The following HRH2 variants were observed in gnomAD, a reference collection of about 807,000 sequenced individuals.
The protein encoded by HRH2 is histamine receptor H2.
A neutral mutation model predicts 20.1 loss-of-function variants in HRH2; 4 were observed. The observed-to-expected ratio is 0.20, with a 90% CI of 0.10 to 0.45. HRH2 has a LOEUF of 0.45. Among genes scored for constraint, HRH2 ranks in the 20% least tolerant of loss-of-function variants. The pLI is 0.99. For missense variants in HRH2, 250 were observed against 461.6 expected, an observed-to-expected ratio of 0.54 and a Z score of 4.20; for synonymous variants, 197 against 200.7, an observed-to-expected ratio of 0.98 and a Z score of 0.16.
intron 2 of HRH2, among the ~76,000 whole-genome samples, chr5:175,702,712 T>C (rs35815813): frequency 0.19 from 28,075 of 145,506 alleles, 5,213 homozygotes; most frequent in African/African-American, 0.49. Context: ...CCACCACGCC[T>C]GGCTAATTTT....
intron 1 of HRH2, among the ~76,000 whole-genome samples, chr5:175,680,460 T>C (rs645574): frequency 0.18 from 26,974 of 152,136 alleles, 5,677 homozygotes; most frequent in African/African-American, 0.51. Context: ...GTGTGGTGGC[T>C]CTGATTTTTG....
At chr5:175,665,649 C>T (rs1455015459) in intron 1 of HRH2, among the ~76,000 whole-genome samples, 1 of 152,176 alleles carries the variant, frequency 6.6e-6, no homozygotes, top group African/African-American at 2.4e-5. Flanking sequence ...TACCACACTC[C>T]CAGGGCCAGA....
At chr5:175,673,985 G>A (rs565242955) in intron 1 of HRH2, among the ~76,000 whole-genome samples, 5 of 152,212 alleles carry the variant, frequency 3.3e-5, no homozygotes, top group Non-Finnish European at 5.9e-5. Flanking sequence ...GATTACAGAC[G>A]TGAGCCACCA....
At chr5:175,702,169 A>T (rs182210482) in intron 2 of HRH2, among the ~76,000 whole-genome samples, 154 of 152,330 alleles carry the variant, frequency 1.0e-3, no homozygotes, top group African/African-American at 3.6e-3. Flanking sequence ...AATGCCTCGG[A>T]TAATCACTTA....
At position 175,708,317 on chromosome 5, in the gene HRH2, T is replaced by G. The variant is rs1487600458; in HGVS notation, c.*346T>G. 5.0e-6 allele frequency: 1 copy of G among 199,844 alleles called. No individual in the cohort carries two copies. Among genetic ancestry groups the G allele is most frequent in the African/African-American group, 2.3e-5 (1 of 43,218 alleles). The allele number at this position is 199,844 out of a possible 1,614,324, so 12.4% of individuals were successfully genotyped here. A position where few individuals can be genotyped will look rare whatever the true frequency, so the allele number is the denominator to read the frequency against. ...GCATGGGTGCATACGTGTAGGGACG[T>G]GCATGACCTCTGAGCAAGGCAGAGG... On this transcript the variant is annotated 3_prime_UTR_variant, in exon 3 of 3. Transcript: ENST00000636584.
At chr5:175,666,536 C>G (rs1762901233) in intron 1 of HRH2, among the ~76,000 whole-genome samples, 1 of 152,180 alleles carries the variant, frequency 6.6e-6, no homozygotes, top group Non-Finnish European at 1.5e-5. Context: ...AGGGGATCCT[C>G]CTCACCTCAG....
intron 1 of HRH2, among the ~76,000 whole-genome samples, chr5:175,667,881 C>T (rs1762955571): frequency 6.6e-6 from 1 of 152,058 alleles, no homozygotes; most frequent in East Asian, 1.9e-4. Flanking sequence ...AGAAAGTGGG[C>T]CACCTACTTG....
intron 2 of HRH2, among the ~76,000 whole-genome samples, chr5:175,696,828 G>A (rs949520962): frequency 1.4e-4 from 17 of 122,528 alleles, no homozygotes; most frequent in African/African-American, 6.3e-4. Context: ...TCTCAGCACC[G>A]CCCCATGGGG....
rs1757068758 is a variant in HRH2, at chr5:175,710,714, T to A, written c.*2743T>A. The A allele has an allele frequency of 6.6e-6, 1 of 152,244 alleles. No individual in the cohort carries two copies. The highest frequency in any genetic ancestry group is 2.1e-4 in the South Asian group (1 of 4,836). The allele number at this position is 152,244 out of a possible 1,614,324, so 9.4% of individuals were successfully genotyped here. A position where few individuals can be genotyped will look rare whatever the true frequency, so the allele number is the denominator to read the frequency against. On this transcript the variant is annotated 3_prime_UTR_variant, in exon 3 of 3. Transcript: ENST00000636584. Reference sequence around the variant, plus strand: ...CATCTGTGGTGGGACCCCAAATCCATGTTTGTGTTACCATCGTGTTCCAAT... The same window carrying A: ...CATCTGTGGTGGGACCCCAAATCCAAGTTTGTGTTACCATCGTGTTCCAAT...
intron 2 of HRH2, among the ~76,000 whole-genome samples, chr5:175,701,492 G>A (rs1756786641): frequency 6.6e-6 from 1 of 152,176 alleles, no homozygotes; most frequent in Admixed American, 6.5e-5. Flanking sequence ...GATTGCCGCT[G>A]TAATCCTCAG....
rs899376784 is a variant in HRH2 at position 175,708,226 on chromosome 5, T to C, written c.*255T>C. ...AATCCCATGGGTTCAAAGCTCACGT[T>C]GGTGCTGGCCCTGGGAGTCATGAGC... On this transcript the variant is annotated 3_prime_UTR_variant, in exon 3 of 3. Transcript: ENST00000636584. 4.6e-5 allele frequency: 16 copies of C among 344,618 alleles called. No individual in the cohort carries two copies. Among genetic ancestry groups the C allele is most frequent in the African/African-American group, 2.5e-4 (12 of 47,668 alleles). 21.3% of individuals were successfully genotyped at this position (344,618 alleles called of 1,614,324 possible).
chr5:175,682,371 C>T (rs1756014263), intron 1 of HRH2, among the ~76,000 whole-genome samples: 1 of 152,208 alleles, frequency 6.6e-6, no homozygotes, highest in Non-Finnish European at 1.5e-5. Context: ...TGGGGCCAGG[C>T]ACCAGGAACC....
At chr5:175,692,755 G>A (rs966709959) in intron 2 of HRH2, among the ~76,000 whole-genome samples, 4 of 152,182 alleles carry the variant, frequency 2.6e-5, no homozygotes, top group African/African-American at 4.8e-5. Flanking sequence ...GACTTGGATC[G>A]GTGTCCGGGG....
chr5:175,666,533 C>A lies in HRH2; in HGVS notation c.-526+8378C>A, dbSNP rs1762900940. On this transcript the variant is annotated intron_variant, in intron 1 of 2. Transcript: ENST00000636584. ...CCTCGACCTCCCCAGCTCAGGGGAT[C>A]CTCCTCACCTCAGCCTCCCAAGTAG... is the stretch of plus-strand genomic sequence containing the variant. Among the ~76,000 whole-genome samples the A allele has an allele frequency of 2.0e-5, 3 of 152,160 alleles. No individual in the cohort carries two copies. The South Asian group carries it at 6.2e-4, about 32-fold the overall frequency.
chr5:175,676,014 G>T (rs939799032), intron 1 of HRH2, among the ~76,000 whole-genome samples: 1 of 149,886 alleles, frequency 6.7e-6, no homozygotes, highest in African/African-American at 2.5e-5. Flanking sequence ...GCACACGTGT[G>T]TTCTCCCTTG....
At chr5:175,692,897 A>C (rs1756435441) in intron 2 of HRH2, among the ~76,000 whole-genome samples, 1 of 152,202 alleles carries the variant, frequency 6.6e-6, no homozygotes, top group African/African-American at 2.4e-5. Context: ...GAGTCGCTCA[A>C]AGTGTGGAGG....
At chr5:175,702,372 A>T (rs556359432) in intron 2 of HRH2, among the ~76,000 whole-genome samples, 57 of 151,542 alleles carry the variant, frequency 3.8e-4, no homozygotes, top group Non-Finnish European at 5.6e-4. Context: ...TTGGCCAATT[A>T]AAAAAATACA....
chr5:175,697,043 G>C (rs555808115), intron 2 of HRH2, among the ~76,000 whole-genome samples: 1 of 152,334 alleles, frequency 6.6e-6, no homozygotes, highest in Admixed American at 6.5e-5. Context: ...GGGAAGGCCA[G>C]TCCCCTCTTC....
At chr5:175,702,713 G>A (rs1268933174) in intron 2 of HRH2, among the ~76,000 whole-genome samples, 3 of 149,192 alleles carry the variant, frequency 2.0e-5, no homozygotes, top group African/African-American at 5.0e-5. Context: ...CACCACGCCT[G>A]GCTAATTTTT....
Sources: allele counts gnomAD v4.1 joint callset (sites outside exome capture counted in the v4.1 genomes callset), GRCh38; gene constraint gnomAD v4.1.1; transcripts MANE v1.5; gene names NCBI Gene and HGNC (gene_info 2026-07-23, HGNC 2026-07-21).